CEP83: variants seen among roughly 807,000 people sequenced by gnomAD.
The protein encoded by CEP83 is centrosomal protein 83, also known as centrosomal protein of 83 kDa.
Under a neutral mutation model 101.9 loss-of-function variants are expected in CEP83, and 70 were observed. The ratio of observed to expected loss-of-function variants is 0.69; its 90% confidence interval spans 0.57 to 0.84. The LOEUF (loss-of-function observed/expected upper bound fraction) is 0.84, where lower values mean the gene tolerates loss of function less well. CEP83 is among the 40% of genes least tolerant of loss of function. The probability of loss-of-function intolerance (pLI) is 0.00; values close to 1 mark genes in which losing one functional copy is unlikely to be tolerated. For synonymous variants in CEP83, 264 were observed against 267.9 expected, an observed-to-expected ratio of 0.99 and a Z score of 0.14; for missense variants, 715 against 787.2, an observed-to-expected ratio of 0.91 and a Z score of 1.10.
intron 14 of CEP83, among the ~76,000 whole-genome samples, chr12:94,319,071 T>C (rs1181621370): frequency 1.3e-5 from 2 of 152,212 alleles, no homozygotes; most frequent in Non-Finnish European, 2.9e-5. Flanking sequence ...TATTTACTAC[T>C]GCCTCAATTT....
At chr12:94,453,343 A>G (rs1351761289) in intron 1 of CEP83, among the ~76,000 whole-genome samples, 3 of 152,198 alleles carry the variant, frequency 2.0e-5, no homozygotes, top group African/African-American at 7.2e-5. Context: ...CTCCGGGCCA[A>G]GTTGAATACT....
intron 11 of CEP83, among the ~76,000 whole-genome samples, chr12:94,339,433 C>T (rs1036648780): frequency 6.6e-6 from 1 of 152,136 alleles, no homozygotes; most frequent in Non-Finnish European, 1.5e-5. Context: ...TCACTAGCAA[C>T]ATGTTGCTAG....
intron 12 of CEP83, among the ~76,000 whole-genome samples, chr12:94,334,200 G>A (rs1250409614): frequency 6.6e-6 from 1 of 152,140 alleles, no homozygotes; most frequent in African/African-American, 2.4e-5. Context: ...CAAACCTTCT[G>A]TATGTCCAGT....
intron 11 of CEP83, among the ~76,000 whole-genome samples, chr12:94,363,470 C>T (rs2060873352): frequency 6.6e-6 from 1 of 152,074 alleles, no homozygotes; most frequent in Non-Finnish European, 1.5e-5. Flanking sequence ...CAATATAAGC[C>T]AGTAATTCTT....
At chr12:94,309,820 T>G (rs1256678326) in intron 16 of CEP83, 98 bp downstream of exon 16, 1 of 736,100 alleles carries the variant, frequency 1.4e-6, no homozygotes, top group African/African-American at 1.8e-5. Flanking sequence ...TTTTGAGCAC[T>G]GACCAAAGTT....
intron 2 of CEP83, chr12:94,424,962 G>A: frequency 6.5e-7 from 1 of 1,531,282 alleles, no homozygotes; most frequent in East Asian, 2.5e-5. Flanking sequence ...GTCACGGATA[G>A]CAGCATTTTC....
chr12:94,267,625 G>A, the CEP83 span, among the ~76,000 whole-genome samples: 4 of 152,220 alleles, frequency 2.6e-5, no homozygotes, highest in African/African-American at 7.2e-5. Flanking sequence ...CTTTAAAAAT[G>A]ATTGTTAGTG....
chr12:94,391,664 A>G (rs1427867955), intron 6 of CEP83, among the ~76,000 whole-genome samples: 1 of 152,210 alleles, frequency 6.6e-6, no homozygotes, highest in African/African-American at 2.4e-5. Flanking sequence ...AAATGCACCA[A>G]TTAAAAGACA....
At chr12:94,293,558 G>A in the CEP83 span, among the ~76,000 whole-genome samples, 10 of 152,164 alleles carry the variant, frequency 6.6e-5, no homozygotes, top group African/African-American at 1.9e-4. Flanking sequence ...GCTGAGAGCC[G>A]TCTTCTTGTA....
intron 6 of CEP83, among the ~76,000 whole-genome samples, chr12:94,386,465 C>G (rs2062155555): frequency 6.6e-6 from 1 of 152,162 alleles, no homozygotes; most frequent in Admixed American, 6.5e-5. Flanking sequence ...TTCTAGTTTC[C>G]TTGGCCTCTC....
At chr12:94,441,413 A>T (rs529230576) in intron 1 of CEP83, among the ~76,000 whole-genome samples, 22 of 152,378 alleles carry the variant, frequency 1.4e-4, no homozygotes, top group Admixed American at 1.2e-3. Flanking sequence ...CAACAGACAT[A>T]TGAAAAAATG....
intron 6 of CEP83, among the ~76,000 whole-genome samples, chr12:94,387,371 G>C (rs962298670): frequency 6.6e-6 from 1 of 152,168 alleles, no homozygotes; most frequent in African/African-American, 2.4e-5. Context: ...GCACATCTGA[G>C]GGATCTAGGT....
chr12:94,371,533 T>G (rs1469289674), intron 8 of CEP83, among the ~76,000 whole-genome samples: 2 of 152,146 alleles, frequency 1.3e-5, no homozygotes, highest in East Asian at 3.8e-4. Context: ...AAGGTTAGAT[T>G]AACCCATTTT....
chr12:94,427,355 T>C (rs1566175331), intron 2 of CEP83, among the ~76,000 whole-genome samples: 3 of 152,226 alleles, frequency 2.0e-5, no homozygotes. Flanking sequence ...TGTTAATCAG[T>C]GAGCACTTGT....
chr12:94,393,437 A>G (rs552658438), intron 6 of CEP83, among the ~76,000 whole-genome samples: 155 of 152,368 alleles, frequency 1.0e-3, no homozygotes, highest in Non-Finnish European at 2.1e-3. Flanking sequence ...ACTTCATGCT[A>G]AAAGCTCTCA....
chr12:94,339,213 G>A (rs2059578113), intron 11 of CEP83, among the ~76,000 whole-genome samples: 1 of 152,076 alleles, frequency 6.6e-6, no homozygotes. Context: ...TAATCTGCCC[G>A]CCTTGGCCTC....
At chr12:94,397,662 C>A (rs988946745) in intron 6 of CEP83, among the ~76,000 whole-genome samples, 14 of 152,036 alleles carry the variant, frequency 9.2e-5, no homozygotes, top group African/African-American at 3.4e-4. Flanking sequence ...CTAGAGAATA[C>A]AAATAATCCT....
the CEP83 span, among the ~76,000 whole-genome samples, chr12:94,274,950 C>T: frequency 1.3e-5 from 2 of 152,208 alleles, no homozygotes; most frequent in African/African-American, 4.8e-5. Flanking sequence ...TAAAGCACTC[C>T]TTAATTTGCT....
chr12:94,362,802 G>A (rs73370330), intron 11 of CEP83, among the ~76,000 whole-genome samples: 6,418 of 152,260 alleles, frequency 0.042, 405 homozygotes, highest in African/African-American at 0.14. Context: ...GCCCATCAAC[G>A]GATGGATAAA....
Sources: allele counts gnomAD v4.1 joint callset (sites outside exome capture counted in the v4.1 genomes callset), GRCh38; gene constraint gnomAD v4.1.1; transcripts MANE v1.5; gene names NCBI Gene and HGNC (gene_info 2026-07-23, HGNC 2026-07-21).